Variants in AMZ1 observed in about 807,000 individuals in gnomAD.
The protein encoded by AMZ1 is archaelysin family metallopeptidase 1.
A neutral mutation model predicts 29.9 loss-of-function variants in AMZ1; 39 were observed. That is an observed-to-expected ratio of 1.30 (90% confidence interval 1.01 to 1.70). AMZ1 has a LOEUF of 1.70. Among genes scored for constraint, AMZ1 ranks in the 40% most tolerant of loss-of-function variants. AMZ1 has a pLI of 0.00. For missense variants in AMZ1, 1,041 were observed against 680.6 expected, an observed-to-expected ratio of 1.53 and a Z score of -5.89; for synonymous variants, 458 against 304.0, an observed-to-expected ratio of 1.51 and a Z score of -5.27.
Position 2,731,543 on chromosome 7 carries a change from T to G in AMZ1, n.550+21727T>G. ...AGCCGGTTGGTGCGCCTGTCCTCCA[T>G]GAGGACCTGGTCGTACTCGCTGGAG... On this transcript the variant is annotated intron_variant and non_coding_transcript_variant, in intron 4 of 4. Transcript: ENST00000489665. This position sits in a 1 kb window ranked among gnomAD's most constrained non-coding sequence, Gnocchi z 6.0. 6.2e-7 allele frequency: 1 copy of G among 1,611,268 alleles called. No homozygotes were observed. Among genetic ancestry groups the G allele is most frequent in the Non-Finnish European group, 8.5e-7 (1 of 1,177,960 alleles).
At chr7:2,738,297 A>T (rs2115315626) in intron 4 of AMZ1, among the ~76,000 whole-genome samples, 1 of 152,180 alleles carries the variant, frequency 6.6e-6, no homozygotes, top group East Asian at 1.9e-4. Context: ...AAAAAAAAAA[A>T]ATTAGGTAAC....
rs575979107 is a variant in AMZ1 at position 2,740,284 on chromosome 7, G to C, written n.551-24428G>C. ...TTCCCATGTGGAAGCCCTACCTGCA[G>C]TGTGATGGTATTTGGAGATGGGGAC... is the stretch of plus-strand genomic sequence containing the variant. On this transcript the variant is annotated intron_variant and non_coding_transcript_variant, in intron 4 of 4. Coordinates refer to the AMZ1 transcript ENST00000489665. Among the ~76,000 whole-genome samples the C allele has an allele frequency of 2.0e-5, 3 of 152,328 alleles. No homozygotes were observed. In the South Asian group the frequency reaches 6.2e-4, roughly 32 times the overall value.
At chr7:2,759,428 A>G (rs1220046251) in intron 4 of AMZ1, among the ~76,000 whole-genome samples, 2 of 152,202 alleles carry the variant, frequency 1.3e-5, no homozygotes, top group Non-Finnish European at 2.9e-5. Context: ...TGTTCTGTCC[A>G]TGTGACAGAT....
At chr7:2,708,185 C>A (rs79894041) in intron 3 of AMZ1, among the ~76,000 whole-genome samples, 1,547 of 152,262 alleles carry the variant, frequency 0.01, 40 homozygotes, top group African/African-American at 0.035. Flanking sequence ...CGCCTCCATC[C>A]CAAGATCTTT....
rs1554244938 is a variant in AMZ1 at position 2,689,372 on chromosome 7, G to GGGGA, written c.-219+1079_-219+1080insAGGG. 3.3e-5 allele frequency among the ~76,000 whole-genome samples: 5 copies of GGGGA among 151,778 alleles called. No homozygotes were observed. In the East Asian group the frequency reaches 9.7e-4, roughly 29 times the overall value. On this transcript the variant is annotated intron_variant, in intron 1 of 6. Transcript: ENST00000683327. ...TGCTTAGAGCGGCAGAACCTCCCTG[G>GGGGA]GGGGGGGATGCGGACGTGCTCTTTT...
intron 4 of AMZ1, among the ~76,000 whole-genome samples, chr7:2,756,545 G>C (rs1422313890): frequency 2.0e-5 from 3 of 151,832 alleles, no homozygotes; most frequent in Non-Finnish European, 4.4e-5. Flanking sequence ...AGCCCGGGAG[G>C]TCGAGGCTGC....
intron 4 of AMZ1, among the ~76,000 whole-genome samples, chr7:2,735,021 G>A (rs1790092859): frequency 6.6e-6 from 1 of 152,110 alleles, no homozygotes. Context: ...CCGCCTTCCC[G>A]TGGCTGTGCC....
At chr7:2,729,188 T>G (rs1789759585) in intron 4 of AMZ1, 1 of 152,390 alleles carries the variant, frequency 6.6e-6, no homozygotes, top group African/African-American at 2.4e-5. Flanking sequence ...GCACTTCCTC[T>G]GGGCTCTGGA....
At chr7:2,760,166 G>A (rs940633386), upstream of AMZ1, among the ~76,000 whole-genome samples, 6 of 152,188 alleles carry the variant, frequency 3.9e-5, no homozygotes, top group South Asian at 2.1e-4. Context: ...TCTTCCCATC[G>A]CCCGCCTCTG....
intron 1 of AMZ1, among the ~76,000 whole-genome samples, chr7:2,698,441 G>T (rs948995971): frequency 6.6e-6 from 1 of 151,958 alleles, no homozygotes; most frequent in African/African-American, 2.4e-5. Flanking sequence ...GGGAGGCTGG[G>T]GCAGCAGAAT....
intron 4 of AMZ1, among the ~76,000 whole-genome samples, chr7:2,732,004 C>T (rs376882486): frequency 1.3e-5 from 2 of 152,210 alleles, no homozygotes; most frequent in South Asian, 2.1e-4. Flanking sequence ...TGGGCAGGCC[C>T]AGCGCAAAAC....
chr7:2,764,058 T>C (rs944845326), upstream of AMZ1, among the ~76,000 whole-genome samples: 3 of 151,942 alleles, frequency 2.0e-5, no homozygotes, highest in South Asian at 2.1e-4. Flanking sequence ...TGTCCTCTGA[T>C]TGGTTGAGTA....
intron 1 of AMZ1, chr7:2,679,803 G>A (rs1786819644): frequency 6.6e-6 from 1 of 152,662 alleles, no homozygotes. Flanking sequence ...CCTGGGCAAA[G>A]GCCAGGAGAC....
intron 4 of AMZ1, among the ~76,000 whole-genome samples, chr7:2,742,636 T>C (rs1790566991): frequency 6.6e-6 from 1 of 152,226 alleles, no homozygotes; most frequent in Non-Finnish European, 1.5e-5. Flanking sequence ...AAGTCAGCTG[T>C]CAATGTCTAC....
At chr7:2,736,630 G>C (rs750918744) in intron 4 of AMZ1, among the ~76,000 whole-genome samples, 1 of 152,224 alleles carries the variant, frequency 6.6e-6, no homozygotes, top group Non-Finnish European at 1.5e-5. Context: ...CACTGGGCAG[G>C]ACCTAGGCCG....
At chr7:2,750,891 T>C (rs1323325130) in intron 4 of AMZ1, among the ~76,000 whole-genome samples, 1 of 152,022 alleles carries the variant, frequency 6.6e-6, no homozygotes, top group African/African-American at 2.4e-5. Context: ...AATATGAGGG[T>C]GCGAATGGAA....
At chr7:2,686,703 GTTGT>G (rs1289909332), upstream of AMZ1, among the ~76,000 whole-genome samples, 1 of 151,690 alleles carries the variant, frequency 6.6e-6, no homozygotes, top group Non-Finnish European at 1.5e-5. Flanking sequence ...CTAGTGTTGT[GTTGT>G]TTTTCTCTCT....
intron 1 of AMZ1, among the ~76,000 whole-genome samples, chr7:2,690,813 A>C (rs1787342154): frequency 6.6e-6 from 1 of 152,034 alleles, no homozygotes; most frequent in African/African-American, 2.4e-5. Flanking sequence ...ACCTGGAACC[A>C]ATGTGGTAGG....
chr7:2,725,325 G>A (rs763349446), intron 4 of AMZ1, among the ~76,000 whole-genome samples: 2 of 152,218 alleles, frequency 1.3e-5, no homozygotes, highest in Non-Finnish European at 2.9e-5. Context: ...CCCTGGGCCC[G>A]CGGCACCAGA....
Sources: gnomAD v4.1 joint callset for allele counts (sites outside exome capture counted in the v4.1 genomes callset) on GRCh38, gnomAD v4.1.1 for gene constraint, Gnocchi (gnomAD v3.1) non-coding constraint, MANE v1.5 for transcripts, NCBI Gene and HGNC (gene_info 2026-07-23, HGNC 2026-07-21) for gene names.